The following CELF2 variants were observed in gnomAD, a reference collection of about 807,000 sequenced individuals.
CELF2 encodes CUGBP Elav-like family member 2.
CELF2 carries 8 observed loss-of-function variants against 62.6 expected under a neutral mutation model. The observed-to-expected ratio is 0.13, with a 90% confidence interval of 0.07 to 0.23. The LOEUF is 0.23. Ranked by LOEUF, CELF2 falls within the 10% of genes least tolerant of loss-of-function variation. CELF2 has a pLI of 1.00. For synonymous variants in CELF2, 258 were observed against 250.0 expected (o/e 1.03, Z -0.30); for missense variants, 333 against 671.0 (o/e 0.50, Z 5.56).
chr10:10,797,550 TAA>T (rs2054218457), upstream of CELF2, among the ~76,000 whole-genome samples: 1 of 152,180 alleles, frequency 6.6e-6, no homozygotes, highest in Non-Finnish European at 1.5e-5. Flanking sequence ...AAATCCCTTT[TAA>T]AAATAAGCGT....
intron 1 of CELF2, among the ~76,000 whole-genome samples, chr10:11,142,887 C>G (rs1167926232): frequency 2.0e-5 from 3 of 151,526 alleles, no homozygotes; most frequent in Non-Finnish European, 4.4e-5. Context: ...GGGACTCAGT[C>G]CCCTCGTGAT....
At chr10:10,637,907 G>T in the CELF2 span, among the ~76,000 whole-genome samples, 1 of 152,064 alleles carries the variant, frequency 6.6e-6, no homozygotes, top group African/African-American at 2.4e-5. Context: ...TATTTACAAG[G>T]TTCAGTGATA....
chr10:11,124,956 T>C (rs978066045), intron 1 of CELF2, among the ~76,000 whole-genome samples: 1 of 152,210 alleles, frequency 6.6e-6, no homozygotes, highest in Non-Finnish European at 1.5e-5. Flanking sequence ...TTTTCTTTCC[T>C]GGAACAACAG....
the CELF2 span, among the ~76,000 whole-genome samples, chr10:10,787,784 A>G: frequency 7.1e-3 from 1,077 of 152,134 alleles, 17 homozygotes; most frequent in African/African-American, 0.025. Context: ...GCTGCATTCT[A>G]TATTCCCCTT....
chr10:10,617,716 G>A, the CELF2 span, among the ~76,000 whole-genome samples: 3 of 151,990 alleles, frequency 2.0e-5, no homozygotes, highest in South Asian at 2.1e-4. Context: ...TAAAGGGGGG[G>A]GAAATAGGTC....
At chr10:11,132,942 GTGA>G (rs1432361428) in intron 1 of CELF2, among the ~76,000 whole-genome samples, 1 of 152,178 alleles carries the variant, frequency 6.6e-6, no homozygotes, top group Non-Finnish European at 1.5e-5. Context: ...GATGGTGGTG[GTGA>G]TCTGTATCAG....
the CELF2 span, among the ~76,000 whole-genome samples, chr10:10,587,365 G>T: frequency 6.6e-6 from 1 of 152,032 alleles, no homozygotes; most frequent in Non-Finnish European, 1.5e-5. Flanking sequence ...GAACCCAAAC[G>T]CATTTGCATT....
chr10:11,313,441 T>C (rs1455841329), intron 9 of CELF2, among the ~76,000 whole-genome samples: 1 of 152,230 alleles, frequency 6.6e-6, no homozygotes, highest in Non-Finnish European at 1.5e-5. Flanking sequence ...AATAACTTTA[T>C]ACCAATATAG....
At chr10:11,059,799 C>CA (rs1331719650) in intron 1 of CELF2, among the ~76,000 whole-genome samples, 1 of 152,142 alleles carries the variant, frequency 6.6e-6, no homozygotes, top group Non-Finnish European at 1.5e-5. Flanking sequence ...AGGACTCCCC[C>CA]AAACTAATTT....
chr10:10,637,985 T>G, the CELF2 span, among the ~76,000 whole-genome samples: 4 of 152,294 alleles, frequency 2.6e-5, no homozygotes, highest in African/African-American at 9.6e-5. Flanking sequence ...GATATATATC[T>G]CCCCTTGAGT....
chr10:10,867,752 C>G (rs1364864976), intron 1 of CELF2, among the ~76,000 whole-genome samples: 1 of 152,226 alleles, frequency 6.6e-6, no homozygotes, highest in Non-Finnish European at 1.5e-5. Context: ...TTGTCTTCTC[C>G]TGACCTGGAT....
chr10:10,959,907 C>T (rs2049301862), intron 2 of CELF2, among the ~76,000 whole-genome samples: 1 of 152,248 alleles, frequency 6.6e-6, no homozygotes, highest in Admixed American at 6.5e-5. Context: ...TCAATTAGCA[C>T]CAGTCACTGC....
the CELF2 span, among the ~76,000 whole-genome samples, chr10:10,787,660 T>C: frequency 2.6e-5 from 4 of 152,234 alleles, no homozygotes; most frequent in Non-Finnish European, 5.9e-5. Context: ...AAAAGTATTC[T>C]TTGTCCCTAC....
rs1424540919 is a variant in CELF2, at chr10:11,211,847, T to TGTAA, written c.272-5576_272-5575insAAGT. 1.3e-5 allele frequency among the ~76,000 whole-genome samples: 2 copies of TGTAA among 150,992 alleles called. No individual in the cohort carries two copies. The highest frequency in any genetic ancestry group is 3.0e-5 in the Non-Finnish European group (2 of 67,590). The stretch of plus-strand genomic sequence containing the variant: ...GTGTGTGTGTGTGTGTGTGTGTGTG[T>TGTAA]GTGTGTGTAACTACCATTGGCCTTT... On this transcript the variant is annotated intron_variant, in intron 2 of 12. Transcript: ENST00000633077. This position sits in a 1 kb window ranked among gnomAD's most constrained non-coding sequence, Gnocchi z 4.8.
intron 2 of CELF2, among the ~76,000 whole-genome samples, chr10:10,996,852 C>T (rs2054007941): frequency 6.6e-6 from 1 of 152,124 alleles, no homozygotes; most frequent in Non-Finnish European, 1.5e-5. Flanking sequence ...GGAGGTGCTG[C>T]CCACAGGCTT....
At chr10:11,197,029 G>GAAAGAAAGAAAGAAAGAAAGAAAGA (rs2057921221) in intron 2 of CELF2, among the ~76,000 whole-genome samples, 1 of 17,552 alleles carries the variant, frequency 5.7e-5, no homozygotes, top group South Asian at 9.1e-4. Context: ...AGAAAGAAAA[G>GAAAGAAAGAAAGAAAGAAAGAAAGA]AAAGAAAGAA....
rs1395871858 is a variant in CELF2, at chr10:11,324,898, T to C, written c.1295-938T>C. 1.3e-5 allele frequency among the ~76,000 whole-genome samples: 2 copies of C among 152,186 alleles called. No individual in the cohort carries two copies. The highest frequency in any genetic ancestry group is 4.8e-5 in the African/African-American group (2 of 41,444). On this transcript the variant is annotated intron_variant, in intron 11 of 12. Coordinates refer to ENST00000633077, the MANE Select transcript of CELF2 (RefSeq NM_001326342.2). This position sits in a 1 kb window ranked among gnomAD's most constrained non-coding sequence, Gnocchi z 4.7. Reference sequence around the variant, plus strand: ...GCTGCAGAAGTCGCCTCACCAGTTCTGTGAGCGCCCCTCCTCGGAAGACTC... The same window carrying C: ...GCTGCAGAAGTCGCCTCACCAGTTCCGTGAGCGCCCCTCCTCGGAAGACTC...
chr10:10,462,804 G>A, the CELF2 span, among the ~76,000 whole-genome samples: 1 of 151,830 alleles, frequency 6.6e-6, no homozygotes, highest in Non-Finnish European at 1.5e-5. Flanking sequence ...TGTCTACCCC[G>A]ATGATGCTTC....
chr10:11,249,297 C>A, intron 4 of CELF2, 96 bp downstream of exon 4: 1 of 981,354 alleles, frequency 1.0e-6, no homozygotes, highest in Non-Finnish European at 1.6e-6. Flanking sequence ...AGCTGCTTTT[C>A]TCTCTAGAGG....
Sources: gnomAD v4.1 joint callset for allele counts (sites outside exome capture counted in the v4.1 genomes callset) on GRCh38, gnomAD v4.1.1 for gene constraint, Gnocchi (gnomAD v3.1) non-coding constraint, MANE v1.5 for transcripts, NCBI Gene and HGNC (gene_info 2026-07-23, HGNC 2026-07-21) for gene names.